The following DNAH6 variants were observed in gnomAD, a reference collection of about 807,000 sequenced individuals.
The protein encoded by DNAH6 is dynein axonemal heavy chain 6.
A neutral mutation model predicts 491.4 loss-of-function variants in DNAH6; 340 were observed. The ratio of observed to expected loss-of-function variants is 0.69; its 90% CI spans 0.63 to 0.76. The LOEUF (loss-of-function observed/expected upper bound fraction) is 0.76, where lower values mean the gene tolerates loss of function less well. DNAH6 is among the 30% of genes least tolerant of loss of function. The probability of loss-of-function intolerance (pLI) is 0.00; values close to 1 mark genes in which losing one functional copy is unlikely to be tolerated. For missense variants in DNAH6, 4,443 were observed against 4,972.2 expected (o/e 0.89, Z 3.20); for synonymous variants, 1,603 against 1,686.1 (o/e 0.95, Z 1.21).
rs546264130 is a variant in DNAH6, at chr2:84,797,758, A to T, written c.11481+100A>T. On this transcript the variant is annotated intron_variant, in intron 70 of 76. Transcript: ENST00000389394. ...TCACTCTGGAAATTATAATCTTCCTAAATAAACAAATAAAATAATTGTTTC... is the reference window on the plus strand; with the variant it reads ...TCACTCTGGAAATTATAATCTTCCTTAATAAACAAATAAAATAATTGTTTC... The T allele has an allele frequency of 1.2e-5, 12 of 1,007,774 alleles. No individual in the cohort carries two copies. In the South Asian group the frequency reaches 1.5e-4, roughly 13 times the overall value. The allele number at this position is 1,007,774 out of a possible 1,614,324, so 62.4% of individuals were successfully genotyped here. A position where few individuals can be genotyped will look rare whatever the true frequency, so the allele number is the denominator to read the frequency against.
rs748766131 is a variant in DNAH6 at position 84,812,334 on chromosome 2, CT to C, written c.11740-4del. ...AAAGGCCACCAACCCCTTTTTTGTT[CT>C]TTCAGACTTCTCTGGAAACACTCAA... is the stretch of plus-strand genomic sequence containing the variant. On this transcript the variant is annotated splice_region_variant and splice_polypyrimidine_tract_variant and intron_variant, in intron 72 of 76. Transcript: ENST00000389394. 6.5e-6 allele frequency: 10 copies of C among 1,547,478 alleles called. No individual in the cohort carries two copies. The African/African-American group carries it at 1.4e-4, about 21-fold the overall frequency.
At chr2:84,623,302 G>C (rs376785247) in intron 26 of DNAH6, among the ~76,000 whole-genome samples, 102 of 152,228 alleles carry the variant, frequency 6.7e-4, no homozygotes, top group African/African-American at 2.2e-3. Flanking sequence ...AGAGTGAAAA[G>C]GCAATCTGGG....
At chr2:84,662,810 G>C (rs1265300166) in intron 37 of DNAH6, among the ~76,000 whole-genome samples, 1 of 152,218 alleles carries the variant, frequency 6.6e-6, no homozygotes, top group Non-Finnish European at 1.5e-5. Context: ...GCTTCCTTAA[G>C]TGGGTCCTTG....
At chr2:84,623,622 T>A (rs1027320337) in intron 26 of DNAH6, among the ~76,000 whole-genome samples, 2 of 152,094 alleles carry the variant, frequency 1.3e-5, no homozygotes. Flanking sequence ...AATGACTCCC[T>A]AAAAAAAGTT....
intron 43 of DNAH6, among the ~76,000 whole-genome samples, chr2:84,685,717 G>C (rs901471875): frequency 6.6e-6 from 1 of 152,014 alleles, no homozygotes; most frequent in Non-Finnish European, 1.5e-5. Flanking sequence ...TTCGGTGGCT[G>C]GGTACTTGGA....
intron 18 of DNAH6, among the ~76,000 whole-genome samples, chr2:84,599,677 T>C (rs1007993380): frequency 2.7e-5 from 4 of 149,026 alleles, no homozygotes; most frequent in Admixed American, 6.6e-5. Context: ...CAATTGACTA[T>C]ATTTTTTAGT....
intron 64 of DNAH6, among the ~76,000 whole-genome samples, chr2:84,778,467 G>C (rs189862034): frequency 6.6e-6 from 1 of 151,480 alleles, no homozygotes; most frequent in Non-Finnish European, 1.5e-5. Context: ...ATTAGATCAT[G>C]AATCTAATTC....
At chr2:84,508,013 T>C in the DNAH6 span, among the ~76,000 whole-genome samples, 64 of 152,368 alleles carry the variant, frequency 4.2e-4, no homozygotes, top group Non-Finnish European at 7.6e-4. Context: ...ATCAGGGATA[T>C]TGGTCTAAAA....
At chr2:84,760,339 C>T (rs912687849) in intron 63 of DNAH6, among the ~76,000 whole-genome samples, 4 of 152,076 alleles carry the variant, frequency 2.6e-5, no homozygotes, top group East Asian at 1.9e-4. Flanking sequence ...AGCTTCTGCT[C>T]GGCAAAAGAA....
the DNAH6 span, among the ~76,000 whole-genome samples, chr2:84,508,901 G>A: frequency 6.6e-6 from 1 of 152,156 alleles, no homozygotes; most frequent in Non-Finnish European, 1.5e-5. Context: ...TTAATCCTGA[G>A]TTCTAGTTTG....
intron 75 of DNAH6, among the ~76,000 whole-genome samples, chr2:84,814,686 T>C (rs774716714): frequency 6.6e-6 from 1 of 152,158 alleles, no homozygotes; most frequent in Non-Finnish European, 1.5e-5. Context: ...AGAGGCTGAT[T>C]CTGACAGACA....
At chr2:84,726,580 A>G (rs2104952046) in intron 60 of DNAH6, among the ~76,000 whole-genome samples, 1 of 152,328 alleles carries the variant, frequency 6.6e-6, no homozygotes, top group African/African-American at 2.4e-5. Context: ...TGGGAATTGA[A>G]CAATGAGAAC....
At position 84,624,458 on chromosome 2, in the gene DNAH6, C is replaced by T. The variant is rs1184853743; in HGVS notation, c.4198-7C>T. 4 of 1,551,394 alleles carry T rather than the reference C, an allele frequency of 2.6e-6. No homozygotes were observed. In the East Asian group the frequency reaches 7.3e-5, roughly 28 times the overall value. ...ATTAGTGTATCTAATATGTATATCA[C>T]ATATAGGTGGAGACAGTTGAATCTT... On this transcript the variant is annotated splice_polypyrimidine_tract_variant and splice_region_variant and intron_variant, in intron 27 of 76. Coordinates refer to ENST00000389394, the MANE Select transcript of DNAH6 (RefSeq NM_001370.2).
At chr2:84,673,606 G>C (rs1235074799) in intron 40 of DNAH6, among the ~76,000 whole-genome samples, 5 of 152,222 alleles carry the variant, frequency 3.3e-5, no homozygotes, top group Non-Finnish European at 5.9e-5. Context: ...ACAATAGGCT[G>C]TCTGCAGGCT....
rs372951767 is a variant in DNAH6 at position 84,539,945 on chromosome 2, T to G, written c.663-4288T>G. On this transcript the variant is annotated intron_variant, in intron 4 of 76. Coordinates refer to ENST00000389394, the MANE Select transcript of DNAH6 (RefSeq NM_001370.2). ...TGGCAAGGACCATCATCAAACAGATTGAGGTTGATAAATGCAGAACTCAGG... is the reference window on the plus strand; with the variant it reads ...TGGCAAGGACCATCATCAAACAGATGGAGGTTGATAAATGCAGAACTCAGG... Among the ~76,000 whole-genome samples, 13 of 152,276 alleles carry G rather than the reference T, an allele frequency of 8.5e-5. 1 individual carries two copies. In the East Asian group the frequency reaches 1.2e-3, roughly 14 times the overall value.
chr2:84,791,084 G>A (rs1190510999), intron 68 of DNAH6, among the ~76,000 whole-genome samples: 1 of 151,920 alleles, frequency 6.6e-6, no homozygotes, highest in Non-Finnish European at 1.5e-5. Flanking sequence ...CAGCTACTCA[G>A]GAGGCTGGGG....
At chr2:84,710,851 T>TAA (rs34105401) in intron 56 of DNAH6, among the ~76,000 whole-genome samples, 5 of 144,972 alleles carry the variant, frequency 3.4e-5, no homozygotes, top group South Asian at 2.2e-4. Flanking sequence ...TAACTTTTGT[T>TAA]AAAAAAAAAA....
intron 19 of DNAH6, 96 bp downstream of exon 19, chr2:84,604,647 C>A: frequency 2.4e-6 from 2 of 824,864 alleles, no homozygotes; most frequent in Non-Finnish European, 3.8e-6. Context: ...TTCAACGTTG[C>A]AGCTTTCACT....
In DNAH6 at chr2:84,614,405, T is replaced by C. The variant is rs564803015; in HGVS notation, c.3476-2481T>C. On this transcript the variant is annotated intron_variant, in intron 22 of 76. Coordinates refer to ENST00000389394, the MANE Select transcript of DNAH6 (RefSeq NM_001370.2). Reference sequence around the variant, plus strand: ...CTGAGGTAGTATACCATGGTATATCTACACACATTTTCTTTATCCACTCAT... The same window carrying C: ...CTGAGGTAGTATACCATGGTATATCCACACACATTTTCTTTATCCACTCAT... Among the ~76,000 whole-genome samples, 8 of 152,232 alleles carry C rather than the reference T, an allele frequency of 5.3e-5. No individual in the cohort carries two copies. The South Asian group carries it at 1.2e-3, about 24-fold the overall frequency.
Sources: gnomAD v4.1 joint callset for allele counts (sites outside exome capture counted in the v4.1 genomes callset) on GRCh38, gnomAD v4.1.1 for gene constraint, MANE v1.5 for transcripts, NCBI Gene and HGNC (gene_info 2026-07-23, HGNC 2026-07-21) for gene names.